The following ATE1 variants were observed in gnomAD, a reference collection of about 807,000 sequenced individuals.
ATE1 encodes arginyl-tRNA--protein transferase 1.
Under a neutral mutation model 70.5 loss-of-function variants are expected in ATE1, and 36 were observed. The observed-to-expected ratio is 0.51, with a 90% CI of 0.39 to 0.67. The LOEUF is 0.67. Among genes scored for constraint, ATE1 ranks in the 30% least tolerant of loss-of-function variants. The pLI is 0.00. For missense variants in ATE1, 593 were observed against 629.5 expected, an observed-to-expected ratio of 0.94 and a Z score of 0.62; for synonymous variants, 232 against 219.3, an observed-to-expected ratio of 1.06 and a Z score of -0.51.
chr10:121,809,216 T>A (rs1947217718), intron 10 of ATE1, among the ~76,000 whole-genome samples: 1 of 152,220 alleles, frequency 6.6e-6, no homozygotes, highest in South Asian at 2.1e-4. Context: ...GTCAGCTGTT[T>A]TCCTTGAAGT....
chr10:121,913,768 T>C, intron 4 of ATE1, 22 bp downstream of exon 4: 1 of 1,553,072 alleles, frequency 6.4e-7, no homozygotes, highest in Non-Finnish European at 8.8e-7. Context: ...AGTAAATCGT[T>C]TTTAGACCCA....
intron 11 of ATE1, among the ~76,000 whole-genome samples, chr10:121,774,429 T>A (rs1273745823): frequency 6.6e-6 from 1 of 152,036 alleles, no homozygotes; most frequent in Non-Finnish European, 1.5e-5. Context: ...AGAAAAAAAT[T>A]TTTTGGTTTA....
At chr10:121,926,096 C>T (rs538981413) in intron 1 of ATE1, among the ~76,000 whole-genome samples, 2 of 152,096 alleles carry the variant, frequency 1.3e-5, no homozygotes, top group Non-Finnish European at 2.9e-5. Context: ...GTAATCACAG[C>T]TACTCGGGAG....
At chr10:121,833,560 T>G (rs967494465) in intron 10 of ATE1, among the ~76,000 whole-genome samples, 2 of 151,972 alleles carry the variant, frequency 1.3e-5, no homozygotes, top group South Asian at 2.1e-4. Context: ...AAATCTAGTC[T>G]TAAGAGTCCA....
At chr10:121,904,293 C>G (rs1234125194) in intron 5 of ATE1, among the ~76,000 whole-genome samples, 3 of 151,282 alleles carry the variant, frequency 2.0e-5, no homozygotes, top group Non-Finnish European at 4.4e-5. Flanking sequence ...AATTTTCCAA[C>G]AATGAACATT....
intron 3 of ATE1, among the ~76,000 whole-genome samples, chr10:121,917,644 G>T (rs1215953462): frequency 6.6e-6 from 1 of 150,722 alleles, no homozygotes; most frequent in Admixed American, 6.6e-5. Context: ...AACAGAAAAA[G>T]AAAAAAAATG....
intron 7 of ATE1, among the ~76,000 whole-genome samples, chr10:121,879,687 C>T (rs182935155): frequency 5.3e-5 from 8 of 152,246 alleles, no homozygotes; most frequent in African/African-American, 1.7e-4. Flanking sequence ...TCTTCACAGC[C>T]CCTGGCTACT....
At chr10:121,884,294 G>A (rs1414161970) in intron 7 of ATE1, among the ~76,000 whole-genome samples, 1 of 151,918 alleles carries the variant, frequency 6.6e-6, no homozygotes, top group Non-Finnish European at 1.5e-5. Context: ...CAAGTTTTAG[G>A]AAGTTACTGA....
At chr10:121,862,533 T>C (rs1037793041) in intron 8 of ATE1, among the ~76,000 whole-genome samples, 2 of 13,374 alleles carry the variant, frequency 1.5e-4, no homozygotes, top group Non-Finnish European at 3.6e-4. Context: ...ATTTTTTTAA[T>C]TTTTTTTTTT....
intron 7 of ATE1, among the ~76,000 whole-genome samples, chr10:121,876,684 C>T (rs1418398606): frequency 6.6e-6 from 1 of 152,078 alleles, no homozygotes; most frequent in Admixed American, 6.6e-5. Context: ...AATTGTGTTG[C>T]TGCCGGGCGC....
Position 121,880,105 on chromosome 10 carries a change from C to T in ATE1, c.943-10067G>A, listed in dbSNP as rs1459967943. On this transcript the variant is annotated intron_variant, in intron 7 of 11. Coordinates refer to ENST00000224652, the MANE Select transcript of ATE1 (RefSeq NM_001001976.3). ...AAATTTGTTTTTAATGCCATCTGGTCAAAGTAATAAAAATGGAATATGTTA... is the reference window on the plus strand; with the variant it reads ...AAATTTGTTTTTAATGCCATCTGGTTAAAGTAATAAAAATGGAATATGTTA... Among the ~76,000 whole-genome samples, 4 of 151,976 alleles carry T rather than the reference C, an allele frequency of 2.6e-5. No homozygotes were observed. In the South Asian group the frequency reaches 8.3e-4, roughly 32 times the overall value.
chr10:121,774,560 A>G (rs1289170145), intron 11 of ATE1, among the ~76,000 whole-genome samples: 1 of 152,200 alleles, frequency 6.6e-6, no homozygotes, highest in Non-Finnish European at 1.5e-5. Flanking sequence ...AAAAATGCCA[A>G]TGAAGAAGTT....
chr10:121,826,304 A>G (rs558607799), intron 10 of ATE1, among the ~76,000 whole-genome samples: 26 of 152,176 alleles, frequency 1.7e-4, no homozygotes, highest in African/African-American at 6.0e-4. Context: ...ACAACCAACA[A>G]GAATGTTTTT....
chr10:121,810,446 A>G (rs1304816472), intron 10 of ATE1, among the ~76,000 whole-genome samples: 1 of 151,790 alleles, frequency 6.6e-6, no homozygotes, highest in Non-Finnish European at 1.5e-5. Flanking sequence ...AATTTTTTGT[A>G]TTTTTAGTAG....
intron 7 of ATE1, among the ~76,000 whole-genome samples, chr10:121,886,875 T>C (rs1358850020): frequency 1.3e-5 from 2 of 152,180 alleles, no homozygotes; most frequent in African/African-American, 4.8e-5. Flanking sequence ...CTTTGCCTAA[T>C]TGGAGAATGT....
In ATE1 at chr10:121,754,325, A is replaced by G. The variant is rs576713938; in HGVS notation, c.1379-10467T>C. On this transcript the variant is annotated intron_variant, in intron 11 of 11. Coordinates refer to ENST00000224652, the MANE Select transcript of ATE1 (RefSeq NM_001001976.3). ...ACGTGACTAATTATAGAACTGAGTC[A>G]GAGAAAGTATAAGATGAGTCTGAAA... Among the ~76,000 whole-genome samples the G allele has an allele frequency of 7.9e-5, 12 of 152,362 alleles. No homozygotes were observed. In the South Asian group the frequency reaches 2.5e-3, roughly 32 times the overall value.
chr10:121,847,556 A>T (rs1188087325), intron 8 of ATE1, among the ~76,000 whole-genome samples: 1 of 151,520 alleles, frequency 6.6e-6, no homozygotes, highest in Non-Finnish European at 1.5e-5. Flanking sequence ...TCAGGAGATC[A>T]AGATCATCCT....
chr10:121,903,115 T>G lies in ATE1; in HGVS notation c.584-495A>C, dbSNP rs370814865. ...TCCCTTGGACAGACTGGTCTCAAAC[T>G]CCTGACCTCGTGATTCACCCACCTT... On this transcript the variant is annotated intron_variant, in intron 5 of 11. Coordinates refer to ENST00000224652, the MANE Select transcript of ATE1 (RefSeq NM_001001976.3). 1.1e-3 allele frequency among the ~76,000 whole-genome samples: 162 copies of G among 152,098 alleles called. 1 individual carries two copies. The highest frequency in any genetic ancestry group is 1.6e-3 in the Admixed American group (24 of 15,276).
intron 8 of ATE1, among the ~76,000 whole-genome samples, chr10:121,868,361 C>G (rs1204977053): frequency 6.6e-6 from 1 of 152,136 alleles, no homozygotes; most frequent in Non-Finnish European, 1.5e-5. Context: ...TACCTTTTAG[C>G]TATATTTGTT....
Sources: allele counts gnomAD v4.1 joint callset (sites outside exome capture counted in the v4.1 genomes callset), GRCh38; gene constraint gnomAD v4.1.1; transcripts MANE v1.5; gene names NCBI Gene and HGNC (gene_info 2026-07-23, HGNC 2026-07-21).